The following WAPL variants were observed in gnomAD, a reference collection of about 807,000 sequenced individuals.
WAPL encodes the protein WAPL cohesin release factor.
A neutral mutation model predicts 121.0 loss-of-function variants in WAPL; 5 were observed. The ratio of observed to expected loss-of-function variants is 0.04; its 90% CI spans 0.02 to 0.09. WAPL has a LOEUF of 0.09. WAPL is among the 10% of genes least tolerant of loss of function. The probability of loss-of-function intolerance (pLI) is 1.00; values close to 1 mark genes in which losing one functional copy is unlikely to be tolerated. For synonymous variants in WAPL, 480 were observed against 481.5 expected, an observed-to-expected ratio of 1.00 and a Z score of 0.04; for missense variants, 999 against 1,410.8, an observed-to-expected ratio of 0.71 and a Z score of 4.68.
Position 86,513,507 on chromosome 10 carries a change from A to AT in WAPL, c.499+4063dup, listed in dbSNP as rs779551992. On this transcript the variant is annotated intron_variant, in intron 2 of 18. Transcript: ENST00000298767. ...GCCACCACACCTGGTTAATTTTTGTATTTTTTTTAGTAAAGACGGGGTTTC... is the reference window on the plus strand; with the variant it reads ...GCCACCACACCTGGTTAATTTTTGTATTTTTTTTTAGTAAAGACGGGGTTTC... 4.7e-4 allele frequency among the ~76,000 whole-genome samples: 70 copies of AT among 147,534 alleles called. 1 individual carries two copies. The highest frequency in any genetic ancestry group is 4.0e-4 in the African/African-American group (16 of 39,812).
chr10:86,492,190 T>G (rs944370121), intron 4 of WAPL, among the ~76,000 whole-genome samples: 1 of 152,130 alleles, frequency 6.6e-6, no homozygotes, highest in Non-Finnish European at 1.5e-5. Flanking sequence ...TAAGCAAAAA[T>G]TACTGAATCT....
chr10:86,478,833 G>A (rs1421319596), intron 4 of WAPL, among the ~76,000 whole-genome samples: 7 of 151,988 alleles, frequency 4.6e-5, no homozygotes, highest in African/African-American at 1.5e-4. Context: ...GGTGGCTCAC[G>A]TCTGTAATCC....
chr10:86,514,947 G>A (rs892629543), intron 2 of WAPL, among the ~76,000 whole-genome samples: 6 of 152,118 alleles, frequency 3.9e-5, no homozygotes, highest in African/African-American at 1.4e-4. Context: ...ACCCCACACT[G>A]TAGATTATCT....
In WAPL at chr10:86,473,946, T is replaced by G. The variant is rs755274467; in HGVS notation, c.1672A>C (p.Arg558=). 2 of 1,614,068 alleles carry G rather than the reference T, an allele frequency of 1.2e-6. No individual in the cohort carries two copies. The highest frequency in any genetic ancestry group is 4.5e-5 in the East Asian group (2 of 44,846). The change falls in exon 5 of 19, where the codon AGA becomes CGA. Residue 558 remains arginine (R), a synonymous_variant. Transcript: ENST00000298767. ...RSPTKAVYNA[R]HWNHPDSEEL... is the part of the protein sequence containing the mutation. ...TCTGAATCTGGATGATTCCAATGTC[T>G]GGCATTATATACAGCTTTTGTGGGT...
chr10:86,459,542 G>A (rs1390072645), intron 11 of WAPL, among the ~76,000 whole-genome samples: 1 of 152,164 alleles, frequency 6.6e-6, no homozygotes, highest in Non-Finnish European at 1.5e-5. Context: ...ACAAACCTAT[G>A]CATCCTGAAA....
intron 2 of WAPL, among the ~76,000 whole-genome samples, chr10:86,503,883 C>T (rs960687909): frequency 6.6e-6 from 1 of 152,150 alleles, no homozygotes; most frequent in African/African-American, 2.4e-5. Context: ...GAAAATGGCG[C>T]TAGGGGCCAG....
intron 3 of WAPL, among the ~76,000 whole-genome samples, chr10:86,499,400 T>C (rs1451998771): frequency 6.6e-6 from 1 of 152,208 alleles, no homozygotes; most frequent in Non-Finnish European, 1.5e-5. Flanking sequence ...AGGGAATACA[T>C]GCCAGTTCCT....
rs910092389 is a variant in WAPL at position 86,446,565 on chromosome 10, T to A, written c.3115-116A>T. On this transcript the variant is annotated intron_variant, in intron 15 of 18. Transcript: ENST00000298767. ...TATCACTAACTCTAAGATGGTTATG[T>A]GATAAAAAGAGGTGAGTATAAGTAA... 20 of 1,175,942 alleles carry A rather than the reference T, an allele frequency of 1.7e-5. No individual in the cohort carries two copies. The African/African-American group carries it at 2.8e-4, about 16-fold the overall frequency. 72.8% of individuals were successfully genotyped at this position (1,175,942 alleles called of 1,614,324 possible).
chr10:86,491,494 G>A (rs1286879413), intron 4 of WAPL, among the ~76,000 whole-genome samples: 2 of 151,862 alleles, frequency 1.3e-5, no homozygotes, highest in Non-Finnish European at 1.5e-5. Flanking sequence ...CCCTTGATGC[G>A]ATGAACACAC....
At chr10:86,447,670 G>A (rs1406393528) in intron 15 of WAPL, among the ~76,000 whole-genome samples, 3 of 152,128 alleles carry the variant, frequency 2.0e-5, no homozygotes, top group Admixed American at 1.3e-4. Context: ...GGTGGGAGGA[G>A]TTAGGCATAT....
rs1842267699 is a variant in WAPL at position 86,502,629 on chromosome 10, TA to T, written c.500-1887del. On this transcript the variant is annotated intron_variant, in intron 2 of 18. Transcript: ENST00000298767. ...AAACACACAAATGTATACATCTGTG[TA>T]ACTGTATACTAGTCTATACACACAA... 2.6e-5 allele frequency among the ~76,000 whole-genome samples: 4 copies of T among 152,194 alleles called. No homozygotes were observed. The South Asian group carries it at 8.3e-4, about 32-fold the overall frequency.
chr10:86,516,944 G>T (rs576627993), intron 2 of WAPL, among the ~76,000 whole-genome samples: 3 of 151,962 alleles, frequency 2.0e-5, no homozygotes, highest in East Asian at 3.9e-4. Context: ...TTAGCCAGGC[G>T]TGGTGGCGGG....
chr10:86,499,764 T>C lies in WAPL; in HGVS notation c.1479A>G (p.Glu493=). 1 of 1,601,392 alleles carries C rather than the reference T, an allele frequency of 6.2e-7. No homozygotes were observed. Among genetic ancestry groups the C allele is most frequent in the Non-Finnish European group, 8.5e-7 (1 of 1,176,326 alleles). The stretch of plus-strand genomic sequence containing the variant: ...GACTGTCCTGGGAATTATCATTGCT[T>C]TCTGGGGGAGGCTGCAAGGAGGGTG... ...APSPSLQPPP[E]SNDNSQDSQS... The change falls in exon 3 of 19, where the codon GAA becomes GAG. Residue 493 remains glutamate (E), a synonymous_variant. Coordinates refer to ENST00000298767, the MANE Select transcript of WAPL (RefSeq NM_015045.5).
chr10:86,448,777 G>A (rs1257386490), intron 15 of WAPL, among the ~76,000 whole-genome samples: 1 of 151,878 alleles, frequency 6.6e-6, no homozygotes, highest in African/African-American at 2.4e-5. Context: ...ACCACACCTG[G>A]CTAATTTTTT....
At chr10:86,492,498 C>T (rs1842070442) in intron 4 of WAPL, among the ~76,000 whole-genome samples, 1 of 152,144 alleles carries the variant, frequency 6.6e-6, no homozygotes, top group South Asian at 2.1e-4. Flanking sequence ...ACAACCTTAA[C>T]TAGGTGGTCA....
chr10:86,482,427 C>T (rs773601429), intron 4 of WAPL, among the ~76,000 whole-genome samples: 1 of 152,130 alleles, frequency 6.6e-6, no homozygotes, highest in African/African-American at 2.4e-5. Flanking sequence ...TATATGTATA[C>T]GTGCATGTTT....
At chr10:86,471,126 AG>A (rs1182763382) in intron 7 of WAPL, 23 bp from the exon 8 acceptor site, 1 of 1,603,154 alleles carries the variant, frequency 6.2e-7, no homozygotes, top group Non-Finnish European at 8.5e-7. Flanking sequence ...AGAGCAGGTT[AG>A]GGGGGCTGGA....
chr10:86,466,294 G>A (rs777255508), intron 9 of WAPL, among the ~76,000 whole-genome samples: 13 of 152,152 alleles, frequency 8.5e-5, no homozygotes, highest in African/African-American at 1.9e-4. Context: ...CAGTTATGGC[G>A]GGGGTGGTGG....
intron 16 of WAPL, among the ~76,000 whole-genome samples, chr10:86,444,488 T>C (rs1849553217): frequency 6.6e-6 from 1 of 152,188 alleles, no homozygotes; most frequent in Non-Finnish European, 1.5e-5. Flanking sequence ...ATATTATTTG[T>C]CTAAGGAATA....
Sources: allele counts gnomAD v4.1 joint callset (sites outside exome capture counted in the v4.1 genomes callset), GRCh38; gene constraint gnomAD v4.1.1; transcripts MANE v1.5; gene names NCBI Gene and HGNC (gene_info 2026-07-23, HGNC 2026-07-21).